The following BRD8 variants were observed in gnomAD, a reference collection of about 807,000 sequenced individuals.
BRD8 encodes the protein bromodomain containing 8.
In BRD8, 67 loss-of-function variants were observed where a neutral mutation model predicts 143.1. The ratio of observed to expected loss-of-function variants is 0.47; its 90% CI spans 0.38 to 0.57. The LOEUF (loss-of-function observed/expected upper bound fraction) is 0.57, where lower values mean the gene tolerates loss of function less well. Ranked by LOEUF, BRD8 falls within the 20% of genes least tolerant of loss-of-function variation. The pLI is 0.00. For missense variants in BRD8, 1,103 were observed against 1,503.0 expected, an observed-to-expected ratio of 0.73 and a Z score of 4.40; for synonymous variants, 505 against 517.1, an observed-to-expected ratio of 0.98 and a Z score of 0.32.
intron 22 of BRD8, 136 bp from the exon 23 acceptor site, chr5:138,149,933 G>C: frequency 4.9e-6 from 4 of 809,572 alleles, no homozygotes; most frequent in Non-Finnish European, 7.2e-6. Context: ...AGAAATTAAA[G>C]AAAGCTGACT....
At chr5:138,142,476 CA>C (rs747833108) in intron 25 of BRD8, among the ~76,000 whole-genome samples, 1 of 151,968 alleles carries the variant, frequency 6.6e-6, no homozygotes, top group Non-Finnish European at 1.5e-5. Context: ...TATAAAAACC[CA>C]AAATAGGCCG....
chr5:138,145,065 T>C (rs1001369558), intron 25 of BRD8, 112 bp downstream of exon 25: 5 of 1,114,874 alleles, frequency 4.5e-6, no homozygotes, highest in Non-Finnish European at 6.6e-6. Context: ...TGTTTGGCTA[T>C]GAAACATATC....
At chr5:138,175,490 G>C (rs1754247823) in intron 2 of BRD8, among the ~76,000 whole-genome samples, 1 of 151,866 alleles carries the variant, frequency 6.6e-6, no homozygotes, top group Admixed American at 6.6e-5. Flanking sequence ...GGCTAAGGTG[G>C]GAGGATCACT....
At chr5:138,157,211 C>T in intron 20 of BRD8, 1 of 1,613,470 alleles carries the variant, frequency 6.2e-7, no homozygotes, top group Non-Finnish European at 8.5e-7. Context: ...TGAGGCTTCA[C>T]TTTTTCATCT....
Position 138,163,333 on chromosome 5 carries a change from A to G in BRD8, c.1884T>C (p.Gly628=). 1 of 1,613,982 alleles carries G rather than the reference A, an allele frequency of 6.2e-7. No individual in the cohort carries two copies. The highest frequency in any genetic ancestry group is 8.5e-7 in the Non-Finnish European group (1 of 1,179,956). The part of the protein sequence containing the change: ...IFGSQIKDAP[G]EDEEEDGVSE... ...TGACACCATCTTCCTCCTCATCCTC[A>G]CCTGGGGCATCCTTAGATACAGTAT... is the stretch of plus-strand genomic sequence containing the variant. Residue 628 remains glycine (G), a synonymous_variant, in exon 15 of 27, where the codon GGT becomes GGC. Coordinates refer to ENST00000254900, the MANE Select transcript of BRD8 (RefSeq NM_139199.2).
intron 25 of BRD8, among the ~76,000 whole-genome samples, chr5:138,144,914 AAAAAATAT>A (rs1469810895): frequency 2.1e-5 from 3 of 142,910 alleles, no homozygotes; most frequent in African/African-American, 5.3e-5. Context: ...AAAAAAAAAA[AAAAAATAT>A]ATATATATAT....
chr5:138,171,204 A>C, intron 4 of BRD8, 44 bp from the exon 5 acceptor site: 1 of 1,569,428 alleles, frequency 6.4e-7, no homozygotes, highest in Non-Finnish European at 8.7e-7. Flanking sequence ...AAATAACATA[A>C]CATTTATCCC....
intron 21 of BRD8, 140 bp from the exon 22 acceptor site, chr5:138,151,148 A>T: frequency 8.9e-7 from 1 of 1,121,232 alleles, no homozygotes; most frequent in South Asian, 1.5e-5. Flanking sequence ...AATCATCTAA[A>T]ATCTGCCAAA....
Position 138,163,264 on chromosome 5 carries a change from T to C in BRD8, c.1953A>G (p.Gly651=). Residue 651 remains glycine (G), a synonymous_variant, in exon 15 of 27, where the codon GGA becomes GGG. Coordinates refer to ENST00000254900, the MANE Select transcript of BRD8 (RefSeq NM_139199.2). ...SLEEPKEEDQ[G]EGYLSEMDNE... The stretch of plus-strand genomic sequence containing the variant: ...TATCCATTTCTGACAAGTAGCCTTC[T>C]CCTTGATCCTCTTCCTTAGGCTCCT... The C allele has an allele frequency of 1.2e-6, 2 of 1,614,130 alleles. No homozygotes were observed. The highest frequency in any genetic ancestry group is 1.7e-6 in the Non-Finnish European group (2 of 1,180,012).
chr5:138,149,423 A>G (rs1027621290), intron 23 of BRD8, among the ~76,000 whole-genome samples: 2 of 152,130 alleles, frequency 1.3e-5, no homozygotes, highest in Non-Finnish European at 2.9e-5. Flanking sequence ...CTAGCCTTGA[A>G]AGACAGTCCT....
intron 8 of BRD8, chr5:138,168,746 A>T (rs1284779700): frequency 1.1e-6 from 1 of 882,346 alleles, no homozygotes; most frequent in Non-Finnish European, 1.9e-6. Context: ...GTTCCCTACT[A>T]ATCTGTATGG....
At chr5:138,147,680 TA>T (rs1226133483) in intron 23 of BRD8, among the ~76,000 whole-genome samples, 1 of 152,220 alleles carries the variant, frequency 6.6e-6, no homozygotes, top group East Asian at 1.9e-4. Context: ...TTCATGCCTA[TA>T]ATCCCAGGAC....
chr5:138,164,002 G>A, intron 14 of BRD8, 85 bp downstream of exon 14: 2 of 1,456,404 alleles, frequency 1.4e-6, no homozygotes, highest in African/African-American at 1.4e-5. Context: ...GAATAAAGAT[G>A]TGACTTTACT....
At chr5:138,168,629 G>A (rs923369098) in intron 8 of BRD8, 4 of 1,603,652 alleles carry the variant, frequency 2.5e-6, no homozygotes, top group Admixed American at 3.6e-5. Context: ...CTGGAGGAAG[G>A]GTGTCAGGAA....
chr5:138,146,964 C>T (rs1435000921), intron 23 of BRD8, among the ~76,000 whole-genome samples: 12 of 134,804 alleles, frequency 8.9e-5, no homozygotes, highest in African/African-American at 3.4e-4. Flanking sequence ...AGCGAAACTC[C>T]GTCTCAAAAA....
intron 2 of BRD8, among the ~76,000 whole-genome samples, chr5:138,173,359 C>T (rs1754044830): frequency 6.6e-6 from 1 of 150,622 alleles, no homozygotes; most frequent in African/African-American, 2.5e-5. Context: ...GATCGTGCCA[C>T]TGCATTCCAA....
chr5:138,149,589 C>A, intron 23 of BRD8, 51 bp downstream of exon 23: 1 of 1,444,382 alleles, frequency 6.9e-7, no homozygotes. Context: ...TTCAAATAGG[C>A]ATAAACAGAA....
intron 23 of BRD8, among the ~76,000 whole-genome samples, chr5:138,146,531 G>T (rs1363611939): frequency 1.3e-5 from 2 of 151,368 alleles, no homozygotes; most frequent in South Asian, 4.2e-4. Context: ...GCTAATTTCT[G>T]TATTTGTTGT....
chr5:138,178,526 G>A, intron 1 of BRD8, 70 bp downstream of exon 1: 1 of 1,410,580 alleles, frequency 7.1e-7, no homozygotes, highest in African/African-American at 1.4e-5. Context: ...CCCTAAGCGT[G>A]TAACAAAAAT....
Sources: gnomAD v4.1 joint callset for allele counts (sites outside exome capture counted in the v4.1 genomes callset) on GRCh38, gnomAD v4.1.1 for gene constraint, MANE v1.5 for transcripts, NCBI Gene and HGNC (gene_info 2026-07-23, HGNC 2026-07-21) for gene names.